Variants in EFTUD2 observed in about 807,000 individuals in gnomAD.
EFTUD2 encodes elongation factor Tu GTP binding domain containing 2, also known as 116 kDa U5 small nuclear ribonucleoprotein component.
Under a neutral mutation model 114.3 loss-of-function variants are expected in EFTUD2, and 9 were observed. The observed-to-expected ratio is 0.08, with a 90% CI of 0.05 to 0.14. EFTUD2 has a LOEUF of 0.14. EFTUD2 is among the 10% of genes least tolerant of loss of function. The pLI, the probability that EFTUD2 is intolerant of heterozygous loss-of-function variation, is 1.00. For synonymous variants in EFTUD2, 449 were observed against 462.3 expected (o/e 0.97, Z 0.37); for missense variants, 765 against 1,241.2 (o/e 0.62, Z 5.76).
intron 2 of EFTUD2, among the ~76,000 whole-genome samples, chr17:44,893,797 G>A (rs1038942456): frequency 6.6e-6 from 1 of 151,136 alleles, no homozygotes; most frequent in Non-Finnish European, 1.5e-5. Context: ...CAGGCATGGT[G>A]GCTCATGCCT....
chr17:44,858,068 C>T (rs968074151), intron 19 of EFTUD2, among the ~76,000 whole-genome samples: 11 of 151,886 alleles, frequency 7.2e-5, no homozygotes, highest in African/African-American at 2.7e-4. Flanking sequence ...ATTACAGGTG[C>T]CCGCCACCAT....
chr17:44,865,132 G>C (rs2050722296), intron 13 of EFTUD2, 67 bp from the exon 14 acceptor site: 1 of 1,582,274 alleles, frequency 6.3e-7, no homozygotes, highest in African/African-American at 1.4e-5. Context: ...AGGGAGACAA[G>C]GGAAGTCCAA....
intron 17 of EFTUD2, 26 bp downstream of exon 17, chr17:44,860,406 C>G (rs374442103): frequency 5.8e-6 from 9 of 1,550,720 alleles, no homozygotes; most frequent in South Asian, 3.3e-5. Context: ...TTAAGCCAAC[C>G]CAGTTGGTCT....
Position 44,859,047 on chromosome 17 carries a change from C to T in EFTUD2, c.1962+33G>A, listed in dbSNP as rs375672224. 53 of 1,446,638 alleles carry T rather than the reference C, an allele frequency of 3.7e-5. 1 individual carries two copies. In the Admixed American group the frequency reaches 5.2e-4, roughly 14 times the overall value. 89.6% of individuals were successfully genotyped at this position (1,446,638 alleles called of 1,614,324 possible). A position where few individuals can be genotyped will look rare whatever the true frequency, so the allele number is the denominator to read the frequency against. ...TTGGTCACTTGTGAAAAGTCTGGAC[C>T]GTGAACCCAGCTCCCGGCAGATACT... On this transcript the variant is annotated intron_variant, in intron 19 of 27. Transcript: ENST00000426333.
chr17:44,855,280 C>G (rs1452672040), intron 20 of EFTUD2, among the ~76,000 whole-genome samples: 1 of 152,034 alleles, frequency 6.6e-6, no homozygotes, highest in Non-Finnish European at 1.5e-5. Flanking sequence ...TAAAAACAAA[C>G]AGCCAGGCGC....
chr17:44,865,132 G>A, intron 13 of EFTUD2, 67 bp from the exon 14 acceptor site: 1 of 1,582,392 alleles, frequency 6.3e-7, no homozygotes, highest in South Asian at 1.1e-5. Flanking sequence ...AGGGAGACAA[G>A]GGAAGTCCAA....
At chr17:44,876,358 G>A (rs2050948829) in intron 9 of EFTUD2, among the ~76,000 whole-genome samples, 1 of 152,142 alleles carries the variant, frequency 6.6e-6, no homozygotes, top group Admixed American at 6.5e-5. Context: ...TGCTAAAGAA[G>A]GAACTAAGAA....
chr17:44,855,148 A>G (rs2050526092), intron 20 of EFTUD2, 144 bp from the exon 21 acceptor site: 2 of 725,726 alleles, frequency 2.8e-6, no homozygotes, highest in African/African-American at 3.4e-5. Context: ...CAGACCTGTA[A>G]TCCCAGCACT....
chr17:44,886,677 T>G lies in EFTUD2; in HGVS notation c.179A>C (p.His60Pro). Residue 60 changes from histidine to proline, a missense_variant, in exon 3 of 28, where the codon CAT becomes CCT. Around this residue, in one of 6 missense-constraint regions of EFTUD2, gnomAD observed 121 missense variants for 133.7 expected, o/e 0.90. Transcript: ENST00000426333. ...DDHPGMEVVLHEDKKYYPTAE... is the reference protein window; with the variant it reads ...DDHPGMEVVLPEDKKYYPTAE... The stretch of plus-strand genomic sequence containing the variant: ...TGTTGGGTAGTACTTCTTGTCCTCA[T>G]GCAGCACCACCTCCATCCCAGGGTG... 2 of 1,614,178 alleles carry G rather than the reference T, an allele frequency of 1.2e-6. No individual in the cohort carries two copies. Among genetic ancestry groups the G allele is most frequent in the Non-Finnish European group, 8.5e-7 (1 of 1,180,012 alleles).
At chr17:44,857,984 C>T (rs1378392221) in intron 19 of EFTUD2, among the ~76,000 whole-genome samples, 9 of 137,088 alleles carry the variant, frequency 6.6e-5, no homozygotes, top group Non-Finnish European at 1.1e-4. Flanking sequence ...TGCAATGGTG[C>T]GATCTTGGCT....
At chr17:44,877,388 C>T (rs2050982142) in intron 9 of EFTUD2, among the ~76,000 whole-genome samples, 1 of 152,214 alleles carries the variant, frequency 6.6e-6, no homozygotes, top group Admixed American at 6.5e-5. Flanking sequence ...GACAAGAGCA[C>T]TAGAGCACCG....
At chr17:44,865,837 G>A (rs2050737353) in intron 13 of EFTUD2, among the ~76,000 whole-genome samples, 4 of 151,840 alleles carry the variant, frequency 2.6e-5, no homozygotes, top group Admixed American at 2.6e-4. Flanking sequence ...TTAGAGACAG[G>A]GTCTCACTCT....
chr17:44,878,657 G>A (rs1474512040), intron 9 of EFTUD2, among the ~76,000 whole-genome samples: 1 of 152,030 alleles, frequency 6.6e-6, no homozygotes, highest in Non-Finnish European at 1.5e-5. Flanking sequence ...ACAGTTCAAG[G>A]GGAAAATGTA....
Position 44,868,300 on chromosome 17 carries a change from A to C in EFTUD2, c.1045T>G (p.Phe349Val), listed in dbSNP as rs1170530911. Residue 349 changes from phenylalanine to valine, a missense_variant, in exon 12 of 28, where the codon TTC becomes GTC. Phe to Val is a conservative substitution (Grantham distance 50). Around this residue, in one of 6 missense-constraint regions of EFTUD2, gnomAD observed 251 missense variants for 357.7 expected, o/e 0.70. Transcript: ENST00000426333. ...TACTCTACTTACGTCTTAGGGTTGA[A>C]GTAGATGTCACCCCAGAGTCTTTTA... ...FAKRLWGDIY[F>V]NPKTRKFTKK... 2 of 1,613,956 alleles carry C rather than the reference A, an allele frequency of 1.2e-6. No homozygotes were observed. The highest frequency in any genetic ancestry group is 1.3e-5 in the African/African-American group (1 of 74,930).
intron 4 of EFTUD2, chr17:44,884,032 CG>C: frequency 7.2e-5 from 23 of 320,368 alleles, no homozygotes; most frequent in Non-Finnish European, 1.2e-4. Flanking sequence ...TTTGGGAGGC[CG>C]AGGTGGGTGG....
intron 19 of EFTUD2, among the ~76,000 whole-genome samples, chr17:44,858,564 T>C (rs2050599056): frequency 6.6e-6 from 1 of 152,010 alleles, no homozygotes; most frequent in African/African-American, 2.4e-5. Flanking sequence ...GTTCAGGTGA[T>C]CCTCCCACCT....
Position 44,858,336 on chromosome 17 carries a change from A to C in EFTUD2, c.1962+744T>G, listed in dbSNP as rs9902052. ...CTGCAGCCTCGAACTGCTGGGCTCAAGCAATCCTCCTGCTTCAGCCTGCGG... is the reference window on the plus strand; with the variant it reads ...CTGCAGCCTCGAACTGCTGGGCTCACGCAATCCTCCTGCTTCAGCCTGCGG... On this transcript the variant is annotated intron_variant, in intron 19 of 27. Transcript: ENST00000426333. Among the ~76,000 whole-genome samples the C allele has an allele frequency of 6.6e-3, 1,006 of 152,286 alleles. 10 individuals carry two copies. Among genetic ancestry groups the C allele is most frequent in the African/African-American group, 0.023 (947 of 41,538 alleles).
At chr17:44,856,822 A>G (rs1419190576) in intron 20 of EFTUD2, among the ~76,000 whole-genome samples, 1 of 152,086 alleles carries the variant, frequency 6.6e-6, no homozygotes, top group Non-Finnish European at 1.5e-5. Context: ...TAAGATAGTC[A>G]TTTTATAGAG....
At chr17:44,868,699 C>T (rs2050795148) in intron 11 of EFTUD2, among the ~76,000 whole-genome samples, 1 of 152,164 alleles carries the variant, frequency 6.6e-6, no homozygotes, top group African/African-American at 2.4e-5. Context: ...AAACCCTGTC[C>T]CTTCTGGAAG....
Sources: allele counts gnomAD v4.1 joint callset (sites outside exome capture counted in the v4.1 genomes callset), GRCh38; gene constraint gnomAD v4.1.1; regional missense constraint gnomAD v4.1.1; transcripts MANE v1.5; gene names NCBI Gene and HGNC (gene_info 2026-07-23, HGNC 2026-07-21).